Variants in DDX11 observed in about 807,000 individuals in gnomAD.
DDX11 encodes DEAD/H-box helicase 11.
DDX11 carries 72 observed loss-of-function variants against 125.2 expected under a neutral mutation model. That is an observed-to-expected ratio of 0.58 (90% CI 0.48 to 0.70). The LOEUF is 0.70. Ranked by LOEUF, DDX11 falls within the 30% of genes least tolerant of loss-of-function variation. DDX11 has a pLI of 0.00. For missense variants in DDX11, 883 were observed against 1,165.0 expected, an observed-to-expected ratio of 0.76 and a Z score of 3.52; for synonymous variants, 347 against 452.6, an observed-to-expected ratio of 0.77 and a Z score of 2.96.
intron 14 of DDX11, among the ~76,000 whole-genome samples, 156 bp from the exon 15 acceptor site, chr12:31,096,184 AG>A (rs1945185928): frequency 6.7e-6 from 1 of 150,020 alleles, no homozygotes; most frequent in South Asian, 2.2e-4. Context: ...CTCGGAGAGG[AG>A]ATGACAAGGT....
chr12:31,085,276 C>G (rs1291776501), intron 5 of DDX11, 150 bp downstream of exon 5: 3 of 1,113,904 alleles, frequency 2.7e-6, no homozygotes, highest in South Asian at 2.8e-5. Context: ...TTCCTAGGGT[C>G]CATGAGTGCC....
chr12:31,093,546 T>C, intron 12 of DDX11: 1 of 517,278 alleles, frequency 1.9e-6, no homozygotes, highest in Non-Finnish European at 3.4e-6. Flanking sequence ...TGAAATCCCA[T>C]CTCTACTAAA....
Position 31,093,228 on chromosome 12 carries a change from C to A in DDX11, c.1290-17C>A, listed in dbSNP as rs756361185. 2.5e-6 allele frequency: 4 copies of A among 1,608,738 alleles called. No individual in the cohort carries two copies. The highest frequency in any genetic ancestry group is 3.4e-6 in the Non-Finnish European group (4 of 1,177,144). ...CATCAGGGCACCACCACTTAATGTC[C>A]GTTGGCTTCTTCTCAGGAAGCGTTT... is the stretch of plus-strand genomic sequence containing the variant. On this transcript the variant is annotated splice_polypyrimidine_tract_variant and intron_variant, in intron 11 of 26. Transcript: ENST00000542838.
chr12:31,101,675 C>G (rs1946403733), intron 20 of DDX11, 158 bp from the exon 21 acceptor site: 2 of 904,630 alleles, frequency 2.2e-6, no homozygotes, highest in Admixed American at 2.0e-5. Context: ...CACCTACCAC[C>G]CCGTGGTTCC....
intron 25 of DDX11, 82 bp from the exon 26 acceptor site, chr12:31,103,495 G>A: frequency 6.2e-7 from 1 of 1,609,218 alleles, no homozygotes; most frequent in Non-Finnish European, 8.5e-7. Flanking sequence ...TAAGTCTGAG[G>A]AAGGGGAGGG....
At chr12:31,076,797 T>A (rs1180308274) in intron 1 of DDX11, 2 of 152,264 alleles carry the variant, frequency 1.3e-5, no homozygotes, top group Non-Finnish European at 2.9e-5. Flanking sequence ...TGTTTTTTGA[T>A]TACCCTTCTT....
chr12:31,078,629 T>G, intron 2 of DDX11, 92 bp downstream of exon 2: 1 of 1,598,524 alleles, frequency 6.3e-7, no homozygotes, highest in Non-Finnish European at 8.6e-7. Flanking sequence ...TTTTCATAGT[T>G]TGAAGTTGGG....
chr12:31,096,468 G>T (rs557970081), intron 15 of DDX11, 89 bp downstream of exon 15: 10 of 1,612,416 alleles, frequency 6.2e-6, no homozygotes, highest in South Asian at 1.1e-5. Context: ...TGCCCTCAGG[G>T]AACTCCAGAG....
chr12:31,077,531 G>A (rs1453319116), intron 1 of DDX11, among the ~76,000 whole-genome samples: 1 of 151,952 alleles, frequency 6.6e-6, no homozygotes, highest in Non-Finnish European at 1.5e-5. Flanking sequence ...GAACTAAGAA[G>A]CAAACTAAAG....
intron 11 of DDX11, 141 bp from the exon 12 acceptor site, chr12:31,093,104 G>A (rs1389927829): frequency 3.7e-5 from 40 of 1,067,202 alleles, no homozygotes; most frequent in African/African-American, 2.1e-4. Context: ...GCCTGGGGCC[G>A]TGGCCAGCCT....
rs781670159 is a variant in DDX11, at chr12:31,097,965, G to T, written c.1843G>T (p.Ala615Ser). Residue 615 changes from alanine to serine, a missense_variant, in exon 18 of 27, where the codon GCA becomes TCA. Transcript: ENST00000542838. ...TGCCCAAGTGGTGAAGGAATGCCGG[G>T]CAGTGGTCATTGCGGGGGGTACCAT... is the stretch of plus-strand genomic sequence containing the variant. Reference protein sequence around the residue: ...HFAQVVKECRAVVIAGGTMQP... With the variant: ...HFAQVVKECRSVVIAGGTMQP... 1 of 1,613,898 alleles carries T rather than the reference G, an allele frequency of 6.2e-7. No individual in the cohort carries two copies. Among genetic ancestry groups the T allele is most frequent in the Admixed American group, 1.7e-5 (1 of 60,016 alleles).
In DDX11 at chr12:31,085,074, G is replaced by T. The variant is rs1942837549; in HGVS notation, c.586G>T (p.Glu196Ter). 1 of 1,601,834 alleles carries T rather than the reference G, an allele frequency of 6.2e-7. No homozygotes were observed. Among genetic ancestry groups the T allele is most frequent in the African/African-American group, 1.3e-5 (1 of 74,804 alleles). Reference sequence around the variant, plus strand: ...GGAGCAGCTGGAGTCTGGGGAGGAGGAGCTGGTCCTCGCCGAATACGAGAG... The same window carrying T: ...GGAGCAGCTGGAGTCTGGGGAGGAGTAGCTGGTCCTCGCCGAATACGAGAG... ...RLEQLESGEE[E>*]LVLAEYESDE... Residue 196 changes from glutamate (E) to a stop codon, truncating the protein, a stop_gained, in exon 5 of 27, where the codon GAG becomes TAG. Transcript: ENST00000542838. LOFTEE classifies it high-confidence loss of function.
chr12:31,081,479 C>A (rs958928332), intron 2 of DDX11, among the ~76,000 whole-genome samples: 2 of 152,018 alleles, frequency 1.3e-5, no homozygotes, highest in Non-Finnish European at 2.9e-5. Context: ...GTCACCATTA[C>A]CACTTGGTGT....
intron 1 of DDX11, chr12:31,077,154 G>A (rs1353881911): frequency 6.6e-6 from 1 of 151,816 alleles, no homozygotes; most frequent in Non-Finnish European, 1.5e-5. Context: ...AGAAGAGACA[G>A]ACCTGGCAAA....
chr12:31,078,507 G>A lies in DDX11; in HGVS notation c.114G>A (p.Lys38=). ...TGTACCGGGTTTTGGAGGCTGGCAA[G>A]ATTGGGATATTTGAGAGTCCAACTG... is the stretch of plus-strand genomic sequence containing the variant. The part of the protein sequence containing the change: ...AELYRVLEAG[K]IGIFESPTGT... The change falls in exon 2 of 27, where the codon AAG becomes AAA. Residue 38 remains lysine, a synonymous_variant. Transcript: ENST00000542838. 1 of 1,611,826 alleles carries A rather than the reference G, an allele frequency of 6.2e-7. No homozygotes were observed. The highest frequency in any genetic ancestry group is 8.5e-7 in the Non-Finnish European group (1 of 1,179,768).
chr12:31,078,900 G>A (rs979307139), intron 2 of DDX11, among the ~76,000 whole-genome samples: 1 of 152,070 alleles, frequency 6.6e-6, no homozygotes, highest in Admixed American at 6.5e-5. Flanking sequence ...TGTTAGCCAG[G>A]ATGATCTCAG....
chr12:31,102,642 C>T lies in DDX11; in HGVS notation c.2372+115C>T, dbSNP rs1946593461. The stretch of plus-strand genomic sequence containing the variant: ...ATTAGAGCCCACAGCTGGGCTGCGA[C>T]TGCTCAGACCAGCCAGCTGGAGGGA... On this transcript the variant is annotated intron_variant, in intron 23 of 26. Transcript: ENST00000542838. 1.7e-5 allele frequency: 16 copies of T among 954,252 alleles called. No individual in the cohort carries two copies. The Admixed American group carries it at 2.9e-4, about 17-fold the overall frequency. 59.1% of individuals were successfully genotyped at this position (954,252 alleles called of 1,614,324 possible).
chr12:31,078,875 G>A (rs563148798), intron 2 of DDX11, among the ~76,000 whole-genome samples: 1 of 152,166 alleles, frequency 6.6e-6, no homozygotes, highest in South Asian at 2.1e-4. Context: ...TTTTAATAGA[G>A]ACAGGGTTTC....
At chr12:31,087,873 T>A in intron 5 of DDX11, 65 bp from the exon 6 acceptor site, 4 of 1,565,116 alleles carry the variant, frequency 2.6e-6, no homozygotes, top group Non-Finnish European at 3.5e-6. Flanking sequence ...GCTCAGCAGA[T>A]GCTCAGTGCG....
Sources: allele counts gnomAD v4.1 joint callset (sites outside exome capture counted in the v4.1 genomes callset), GRCh38; gene constraint gnomAD v4.1.1; transcripts MANE v1.5; gene names NCBI Gene and HGNC (gene_info 2026-07-23, HGNC 2026-07-21).